ITGAM: variants seen among roughly 807,000 people sequenced by gnomAD.
ITGAM encodes integrin alpha-M.
ITGAM carries 79 observed loss-of-function variants against 137.5 expected under a neutral mutation model. The observed-to-expected ratio is 0.57, with a 90% CI of 0.48 to 0.69. ITGAM has a LOEUF of 0.69. Ranked by LOEUF, ITGAM falls within the 30% of genes least tolerant of loss-of-function variation. The pLI is 0.00. For missense variants in ITGAM, 1,343 were observed against 1,483.5 expected, an observed-to-expected ratio of 0.91 and a Z score of 1.56; for synonymous variants, 583 against 592.3, an observed-to-expected ratio of 0.98 and a Z score of 0.23.
chr16:31,298,321 T>A (rs1175093890), intron 14 of ITGAM, among the ~76,000 whole-genome samples: 1 of 151,828 alleles, frequency 6.6e-6, no homozygotes, highest in East Asian at 1.9e-4. Flanking sequence ...GAGGCTGCAG[T>A]GAGTCCTGGT....
Position 31,331,440 on chromosome 16 carries a change from G to C in ITGAM, c.3387+165G>C, listed in dbSNP as rs930099461. The stretch of plus-strand genomic sequence containing the variant: ...AGGGAGGGTGGCCGGGTTCATGCGC[G>C]GGGCGCGCTGAGAACGAGTCGCCCT... On this transcript the variant is annotated intron_variant, in intron 29 of 29. Transcript: ENST00000544665. 4 of 670,004 alleles carry C rather than the reference G, an allele frequency of 6.0e-6. No homozygotes were observed. In the African/African-American group the frequency reaches 7.2e-5, roughly 12 times the overall value. 41.5% of individuals were successfully genotyped at this position (670,004 alleles called of 1,614,324 possible). A position where few individuals can be genotyped will look rare whatever the true frequency, so the allele number is the denominator to read the frequency against.
At chr16:31,268,875 A>G (rs1340119859) in intron 5 of ITGAM, among the ~76,000 whole-genome samples, 1 of 152,172 alleles carries the variant, frequency 6.6e-6, no homozygotes, top group Non-Finnish European at 1.5e-5. Context: ...CTGGGACCAA[A>G]AGCACATTCC....
At chr16:31,312,331 G>A (rs4889645) in intron 14 of ITGAM, among the ~76,000 whole-genome samples, 11,163 of 152,036 alleles carry the variant, frequency 0.073, 570 homozygotes, top group Non-Finnish European at 0.12. Context: ...ATCAATTAAT[G>A]CTATCAACAA....
chr16:31,331,323 C>T (rs367614177), intron 29 of ITGAM, 48 bp downstream of exon 29: 4 of 1,057,754 alleles, frequency 3.8e-6, no homozygotes, highest in East Asian at 2.4e-5. Flanking sequence ...TCTCGGGCCT[C>T]GCGCTGCAGC....
In ITGAM at chr16:31,294,486, T is replaced by C. The variant is rs534047598; in HGVS notation, c.1357-3028T>C. Among the ~76,000 whole-genome samples the C allele has an allele frequency of 2.0e-5, 3 of 152,322 alleles. No individual in the cohort carries two copies. The East Asian group carries it at 5.8e-4, about 29-fold the overall frequency. ...AAAGCCTTCTCTTCATCTATTGAGA[T>C]AATCATGTGGTTTTTGTCTTTAGTT... On this transcript the variant is annotated intron_variant, in intron 12 of 29. Coordinates refer to ENST00000544665, the MANE Select transcript of ITGAM (RefSeq NM_000632.4).
intron 7 of ITGAM, among the ~76,000 whole-genome samples, chr16:31,272,763 T>G (rs1412056966): frequency 6.6e-6 from 1 of 151,562 alleles, no homozygotes; most frequent in Non-Finnish European, 1.5e-5. Flanking sequence ...GGATTACAAG[T>G]GTCAGCCATA....
Position 31,297,865 on chromosome 16 carries a change from A to G in ITGAM, c.1618A>G (p.Ile540Val). 6.2e-7 allele frequency: 1 copy of G among 1,613,888 alleles called. No homozygotes were observed. The highest frequency in any genetic ancestry group is 1.1e-5 in the South Asian group (1 of 91,056). The change falls in exon 14 of 30, where the codon ATT (isoleucine) becomes GTT (valine). Residue 540 changes from isoleucine (I) to valine (V), a missense_variant. Transcript: ENST00000544665. ...VNGDKLTDVA[I>V]GAPGEEDNRG... ...TGGGGACAAGCTGACGGACGTGGCC[A>G]TTGGGGCCCCAGGAGAGGAGGACAA...
chr16:31,287,747 A>G (rs372199879), intron 12 of ITGAM, among the ~76,000 whole-genome samples: 11 of 152,236 alleles, frequency 7.2e-5, no homozygotes, highest in African/African-American at 2.6e-4. Context: ...TTCTTTGCCA[A>G]TAGTCAAATT....
intron 1 of ITGAM, among the ~76,000 whole-genome samples, chr16:31,260,688 A>T (rs2079689039): frequency 6.6e-6 from 1 of 152,208 alleles, no homozygotes; most frequent in South Asian, 2.1e-4. Flanking sequence ...GAAGCCATTT[A>T]GGTGCTCAGA....
chr16:31,270,388 C>T (rs1158771859), intron 5 of ITGAM, among the ~76,000 whole-genome samples: 1 of 151,920 alleles, frequency 6.6e-6, no homozygotes, highest in Non-Finnish European at 1.5e-5. Flanking sequence ...AGGTGTGAGC[C>T]ACCTCGCCCA....
chr16:31,279,152 G>A (rs1385329985), intron 12 of ITGAM, among the ~76,000 whole-genome samples: 1 of 152,164 alleles, frequency 6.6e-6, no homozygotes, highest in Admixed American at 6.5e-5. Context: ...GGACATTTGG[G>A]TTGGTTCCAA....
chr16:31,287,045 A>G (rs2080036285), intron 12 of ITGAM, among the ~76,000 whole-genome samples: 1 of 152,116 alleles, frequency 6.6e-6, no homozygotes, highest in African/African-American at 2.4e-5. Flanking sequence ...ATACACCTTG[A>G]GTTGATTTTT....
intron 14 of ITGAM, among the ~76,000 whole-genome samples, chr16:31,301,244 G>T (rs1261595908): frequency 6.6e-6 from 1 of 152,124 alleles, no homozygotes; most frequent in Non-Finnish European, 1.5e-5. Context: ...ATTGATTTTT[G>T]TGTATGGTAT....
At chr16:31,260,908 C>T (rs2079691436) in intron 1 of ITGAM, among the ~76,000 whole-genome samples, 1 of 152,208 alleles carries the variant, frequency 6.6e-6, no homozygotes, top group African/African-American at 2.4e-5. Flanking sequence ...CATTTGTAAA[C>T]CCGTATTACA....
chr16:31,319,372 T>C (rs999279516), intron 14 of ITGAM, among the ~76,000 whole-genome samples: 6 of 152,190 alleles, frequency 3.9e-5, no homozygotes, highest in African/African-American at 1.4e-4. Flanking sequence ...CTGATGGGTG[T>C]GTATATAATT....
At chr16:31,313,647 G>A (rs887710464) in intron 14 of ITGAM, among the ~76,000 whole-genome samples, 7 of 152,162 alleles carry the variant, frequency 4.6e-5, no homozygotes, top group Non-Finnish European at 8.8e-5. Context: ...ATTTAGGTTG[G>A]TTCCAAGTCT....
At chr16:31,302,404 TC>T (rs1347916346) in intron 14 of ITGAM, among the ~76,000 whole-genome samples, 20 of 122,378 alleles carry the variant, frequency 1.6e-4, no homozygotes, top group African/African-American at 7.0e-4. Flanking sequence ...TCTTTTCTTT[TC>T]TTTTTTCTTT....
chr16:31,271,159 C>G, intron 6 of ITGAM, 75 bp downstream of exon 6: 2 of 1,264,786 alleles, frequency 1.6e-6, no homozygotes, highest in Non-Finnish European at 2.1e-6. Flanking sequence ...CCACCATGTT[C>G]TCCTCCCAGT....
rs74794304 is a variant in ITGAM at position 31,331,860 on chromosome 16, C to T, written c.*153C>T. 3.9e-5 allele frequency: 24 copies of T among 609,500 alleles called. No individual in the cohort carries two copies. The highest frequency in any genetic ancestry group is 3.6e-4 in the African/African-American group (19 of 53,258). 37.8% of individuals were successfully genotyped at this position (609,500 alleles called of 1,614,324 possible). On this transcript the variant is annotated 3_prime_UTR_variant, in exon 30 of 30. Coordinates refer to ENST00000544665, the MANE Select transcript of ITGAM (RefSeq NM_000632.4). The stretch of plus-strand genomic sequence containing the variant: ...TTGTGTGTGTGCAAGTGTGTATGTG[C>T]GTGTGTGCAAGTGTCTGTGTGCAAG...
Sources: gnomAD v4.1 joint callset for allele counts (sites outside exome capture counted in the v4.1 genomes callset) on GRCh38, gnomAD v4.1.1 for gene constraint, MANE v1.5 for transcripts, NCBI Gene and HGNC (gene_info 2026-07-23, HGNC 2026-07-21) for gene names.